Variants in SRP68 observed in about 807,000 individuals in gnomAD.
The protein encoded by SRP68 is signal recognition particle subunit SRP68.
Under a neutral mutation model 82.2 loss-of-function variants are expected in SRP68, and 15 were observed. The observed-to-expected ratio is 0.18, with a 90% CI of 0.12 to 0.28. The LOEUF (loss-of-function observed/expected upper bound fraction) is 0.28. Ranked by LOEUF, SRP68 falls within the 10% of genes least tolerant of loss-of-function variation. SRP68 has a pLI of 1.00. For synonymous variants in SRP68, 261 were observed against 292.6 expected (o/e 0.89, Z 1.10); for missense variants, 595 against 780.5 (o/e 0.76, Z 2.83).
At chr17:76,044,317 C>T (rs1237669938) in intron 12 of SRP68, among the ~76,000 whole-genome samples, 1 of 152,192 alleles carries the variant, frequency 6.6e-6, no homozygotes, top group African/African-American at 2.4e-5. Flanking sequence ...ACACCCAAGT[C>T]GCAATCATTC....
In SRP68 at chr17:76,063,967, G is replaced by C. The variant is rs1403995460; in HGVS notation, c.561+9C>G. 12 of 1,604,684 alleles carry C rather than the reference G, an allele frequency of 7.5e-6. No individual in the cohort carries two copies. Among genetic ancestry groups the C allele is most frequent in the African/African-American group, 1.3e-5 (1 of 74,614 alleles). On this transcript the variant is annotated intron_variant, in intron 4 of 15. Coordinates refer to ENST00000307877, the MANE Select transcript of SRP68 (RefSeq NM_014230.4). ...CCACAATAAACAAGCTGAATGTTGA[G>C]GTACTAACCTGAGCCTCTAATTTGG... is the stretch of plus-strand genomic sequence containing the variant.
intron 13 of SRP68, among the ~76,000 whole-genome samples, chr17:76,041,892 CTTTTT>C (rs370234712): frequency 2.7e-5 from 4 of 149,620 alleles, no homozygotes; most frequent in African/African-American, 7.4e-5. Flanking sequence ...CCTTTGCTTG[CTTTTT>C]TTTTTCTTTT....
In SRP68 at chr17:76,061,226, G is replaced by A; in HGVS notation, c.645-7C>T. 6.3e-7 allele frequency: 1 copy of A among 1,590,992 alleles called. No homozygotes were observed. The highest frequency in any genetic ancestry group is 1.1e-5 in the South Asian group (1 of 89,684). On this transcript the variant is annotated splice_polypyrimidine_tract_variant and splice_region_variant and intron_variant, in intron 5 of 15. Transcript: ENST00000307877. Reference sequence around the variant, plus strand: ...TAGCTTCTCATAGATAGTTCTGCGAGAAAAGAAAAGCCAGGTTTTACATCA... The same window carrying A: ...TAGCTTCTCATAGATAGTTCTGCGAAAAAAGAAAAGCCAGGTTTTACATCA...
intron 15 of SRP68, 23 bp from the exon 16 acceptor site, chr17:76,039,956 G>GT: frequency 6.2e-7 from 1 of 1,610,374 alleles, no homozygotes; most frequent in Non-Finnish European, 8.5e-7. Context: ...TCAAAGAGAC[G>GT]TATGTAGCAT....
rs1200418348 is a variant in SRP68 at position 76,067,350 on chromosome 17, A to T, written c.252-20T>A. The T allele has an allele frequency of 6.4e-7, 1 of 1,559,328 alleles. No homozygotes were observed. On this transcript the variant is annotated intron_variant, in intron 2 of 15. Transcript: ENST00000307877. ...TAGCCCCTGTAAGAAACCACAAACAAAACTCACTCAGCCAAGCTGAGAGTA... is the reference window on the plus strand; with the variant it reads ...TAGCCCCTGTAAGAAACCACAAACATAACTCACTCAGCCAAGCTGAGAGTA...
At position 76,053,723 on chromosome 17, in the gene SRP68, C is replaced by T. The variant is rs1002196058; in HGVS notation, c.979-3197G>A. ...GACGCCCACACTGCAATGACTCAGA[C>T]CACTAATCTCTGAAGGAGAAGCTCT... On this transcript the variant is annotated intron_variant, in intron 8 of 15. Coordinates refer to ENST00000307877, the MANE Select transcript of SRP68 (RefSeq NM_014230.4). 3.6e-6 allele frequency: 3 copies of T among 842,896 alleles called. No individual in the cohort carries two copies. The African/African-American group carries it at 5.5e-5, about 16-fold the overall frequency. The allele number at this position is 842,896 out of a possible 1,614,324, so 52.2% of individuals were successfully genotyped here.
At chr17:76,054,017 C>T (rs930300131) in intron 8 of SRP68, among the ~76,000 whole-genome samples, 4 of 152,308 alleles carry the variant, frequency 2.6e-5, no homozygotes, top group African/African-American at 7.2e-5. Context: ...TCTGACTAGA[C>T]CTTTTCCCAG....
In SRP68 at chr17:76,039,299, C is replaced by T. The variant is rs1367819386; in HGVS notation, c.*407G>A. 1 of 462,462 alleles carries T rather than the reference C, an allele frequency of 2.2e-6. No individual in the cohort carries two copies. Among genetic ancestry groups the T allele is most frequent in the Non-Finnish European group, 4.3e-6 (1 of 231,170 alleles). 28.6% of individuals were successfully genotyped at this position (462,462 alleles called of 1,614,324 possible). ...TCATAGATAAACTTCTCAAGGGCTCCTGGATGCTCACAGCAAGGATGAGTT... is the reference window on the plus strand; with the variant it reads ...TCATAGATAAACTTCTCAAGGGCTCTTGGATGCTCACAGCAAGGATGAGTT... On this transcript the variant is annotated 3_prime_UTR_variant, in exon 16 of 16. Coordinates refer to ENST00000307877, the MANE Select transcript of SRP68 (RefSeq NM_014230.4).
chr17:76,070,324 A>C (rs1598272600), intron 2 of SRP68, 54 bp downstream of exon 2: 2 of 1,471,470 alleles, frequency 1.4e-6, no homozygotes, highest in East Asian at 4.5e-5. Flanking sequence ...GGATATTAAC[A>C]AAAGCAAAGC....
At chr17:76,043,553 G>T in intron 13 of SRP68, 1 of 223,858 alleles carries the variant, frequency 4.5e-6, no homozygotes, top group East Asian at 1.2e-4. Flanking sequence ...AGTCAAGTCT[G>T]AGAGCAGTAC....
chr17:76,043,294 G>A (rs952941126), intron 13 of SRP68: 1 of 152,096 alleles, frequency 6.6e-6, no homozygotes, highest in Non-Finnish European at 1.5e-5. Context: ...AAAACAAGCA[G>A]AAGGTTCCGG....
chr17:76,046,261 A>C, intron 10 of SRP68, 67 bp from the exon 11 acceptor site: 3 of 1,572,864 alleles, frequency 1.9e-6, no homozygotes, highest in Non-Finnish European at 2.6e-6. Flanking sequence ...GGACTGGACT[A>C]CAAGTTGGGG....
chr17:76,044,160 G>C (rs991139184), intron 12 of SRP68, among the ~76,000 whole-genome samples: 1 of 152,192 alleles, frequency 6.6e-6, no homozygotes. Context: ...GAGATGCCCA[G>C]GTAGGCCCAA....
At position 76,072,226 on chromosome 17, in the gene SRP68, C is replaced by G. The variant is rs1598273523; in HGVS notation, c.184+82G>C. On this transcript the variant is annotated intron_variant, in intron 1 of 15. Transcript: ENST00000307877. The surrounding 1 kb of genome is among the most constrained non-coding windows in gnomAD (Gnocchi z 4.5). ...CTCGGCCTCTCCTGCCAGGACTTGT[C>G]GGGACCCGCCGCCTCTCCCGCCCCC... 3 of 1,595,446 alleles carry G rather than the reference C, an allele frequency of 1.9e-6. No individual in the cohort carries two copies. The Admixed American group carries it at 5.3e-5, about 28-fold the overall frequency.
intron 8 of SRP68, among the ~76,000 whole-genome samples, chr17:76,051,686 C>T (rs1179374004): frequency 6.6e-6 from 1 of 152,120 alleles, no homozygotes; most frequent in Admixed American, 6.5e-5. Flanking sequence ...ACATACTTTT[C>T]CACTTATAAG....
intron 2 of SRP68, 70 bp downstream of exon 2, chr17:76,070,303 CAGAGT>C (rs1376396999): frequency 2.7e-6 from 3 of 1,128,282 alleles, no homozygotes; most frequent in African/African-American, 1.6e-5. Context: ...GCTGATATAG[CAGAGT>C]AAACAGGATA....
chr17:76,047,059 A>G (rs1337241441), intron 10 of SRP68, among the ~76,000 whole-genome samples: 1 of 152,150 alleles, frequency 6.6e-6, no homozygotes, highest in African/African-American at 2.4e-5. Context: ...AGTTAGCTCT[A>G]GGAGTGGAAG....
At chr17:76,065,209 G>C (rs1183825977) in intron 3 of SRP68, among the ~76,000 whole-genome samples, 2 of 151,978 alleles carry the variant, frequency 1.3e-5, no homozygotes, top group Admixed American at 6.6e-5. Context: ...CAGTACACTG[G>C]GAGGCTGAGG....
chr17:76,044,982 T>A, intron 12 of SRP68: 1 of 213,268 alleles, frequency 4.7e-6, no homozygotes, highest in Non-Finnish European at 9.3e-6. Context: ...CCTCAGGTGA[T>A]CCACCTGCCT....
Sources: allele counts gnomAD v4.1 joint callset (sites outside exome capture counted in the v4.1 genomes callset), GRCh38; gene constraint gnomAD v4.1.1; non-coding constraint Gnocchi (gnomAD v3.1); transcripts MANE v1.5; gene names NCBI Gene and HGNC (gene_info 2026-07-23, HGNC 2026-07-21).